The following CNTNAP5 variants were observed in gnomAD, a reference collection of about 807,000 sequenced individuals.
The protein encoded by CNTNAP5 is contactin associated protein family member 5, also known as contactin-associated protein-like 5.
A neutral mutation model predicts 150.2 loss-of-function variants in CNTNAP5; 72 were observed. That is an observed-to-expected ratio of 0.48 (90% CI 0.40 to 0.58). The LOEUF (loss-of-function observed/expected upper bound fraction) is 0.58. Among genes scored for constraint, CNTNAP5 ranks in the 20% least tolerant of loss-of-function variants. The pLI is 0.00. For missense variants in CNTNAP5, 1,636 were observed against 1,626.2 expected, an observed-to-expected ratio of 1.01 and a Z score of -0.10; for synonymous variants, 672 against 619.8, an observed-to-expected ratio of 1.08 and a Z score of -1.25.
intron 17 of CNTNAP5, among the ~76,000 whole-genome samples, chr2:124,783,244 T>C (rs1310034989): frequency 6.6e-6 from 1 of 152,188 alleles, no homozygotes; most frequent in Non-Finnish European, 1.5e-5. Flanking sequence ...GCATTTGTTC[T>C]TGAACACAAG....
chr2:124,887,322 T>A (rs550599912), intron 21 of CNTNAP5, among the ~76,000 whole-genome samples: 1 of 152,216 alleles, frequency 6.6e-6, no homozygotes, highest in Admixed American at 6.5e-5. Flanking sequence ...AATACACTTC[T>A]TCTGATTAGT....
intron 1 of CNTNAP5, among the ~76,000 whole-genome samples, chr2:124,103,806 A>G (rs1260787123): frequency 6.7e-6 from 1 of 148,630 alleles, no homozygotes; most frequent in Non-Finnish European, 1.5e-5. Flanking sequence ...TATATTATAT[A>G]TAACTTAACC....
chr2:124,085,862 C>T (rs566087776), intron 1 of CNTNAP5, among the ~76,000 whole-genome samples: 12 of 152,284 alleles, frequency 7.9e-5, no homozygotes, highest in East Asian at 3.9e-4. Flanking sequence ...AAATAATACA[C>T]GCTACTTGAT....
intron 19 of CNTNAP5, among the ~76,000 whole-genome samples, chr2:124,861,479 T>C (rs1192445132): frequency 6.6e-6 from 1 of 151,944 alleles, no homozygotes; most frequent in East Asian, 1.9e-4. Flanking sequence ...TCCCAGCTAC[T>C]TGAGAAGCTG....
chr2:124,579,139 T>C (rs1012758716), intron 11 of CNTNAP5, among the ~76,000 whole-genome samples: 1 of 152,218 alleles, frequency 6.6e-6, no homozygotes, highest in Non-Finnish European at 1.5e-5. Flanking sequence ...TCTTAACATA[T>C]GTAATGGATC....
Position 124,865,352 on chromosome 2 carries a change from A to G in CNTNAP5, c.3264A>G (p.Val1088=). ...ACCTAAACAAGGAAGAAACCCATGTATTCACCATTGATGCAGATAACTTTG... is the reference window on the plus strand; with the variant it reads ...ACCTAAACAAGGAAGAAACCCATGTGTTCACCATTGATGCAGATAACTTTG... ...RYHLNKEETH[V]FTIDADNFAN... Residue 1088 remains valine (V), a synonymous_variant, in exon 20 of 24, where the codon GTA becomes GTG. Transcript: ENST00000682447. 1 of 1,564,654 alleles carries G rather than the reference A, an allele frequency of 6.4e-7. No individual in the cohort carries two copies. Among genetic ancestry groups the G allele is most frequent in the Non-Finnish European group, 8.7e-7 (1 of 1,152,944 alleles).
intron 8 of CNTNAP5, among the ~76,000 whole-genome samples, chr2:124,509,229 A>G (rs763662361): frequency 6.6e-6 from 1 of 152,232 alleles, no homozygotes; most frequent in African/African-American, 2.4e-5. Context: ...TGCATTGAAG[A>G]TCAAGGAGAG....
At chr2:124,235,725 C>A (rs979435672) in intron 2 of CNTNAP5, among the ~76,000 whole-genome samples, 2 of 152,134 alleles carry the variant, frequency 1.3e-5, no homozygotes, top group Non-Finnish European at 2.9e-5. Flanking sequence ...TACACAGAAT[C>A]ACTCTCCCTA....
chr2:124,113,414 T>G (rs548730198), intron 1 of CNTNAP5, among the ~76,000 whole-genome samples: 45 of 152,184 alleles, frequency 3.0e-4, no homozygotes, highest in Middle Eastern at 3.4e-3. Flanking sequence ...CTATGCTGGG[T>G]AAATGAAATA....
At chr2:124,853,959 C>T (rs1677288751) in intron 19 of CNTNAP5, among the ~76,000 whole-genome samples, 2 of 152,158 alleles carry the variant, frequency 1.3e-5, no homozygotes, top group Non-Finnish European at 2.9e-5. Flanking sequence ...GCTTCCAGCT[C>T]CATCCCTGTT....
intron 1 of CNTNAP5, among the ~76,000 whole-genome samples, chr2:124,179,894 T>A (rs1476793033): frequency 2.0e-5 from 3 of 152,172 alleles, no homozygotes; most frequent in Admixed American, 6.5e-5. Flanking sequence ...TCCCCGAAGA[T>A]AGAGCTATTT....
intron 1 of CNTNAP5, among the ~76,000 whole-genome samples, chr2:124,076,832 T>C (rs1243394242): frequency 6.6e-6 from 1 of 152,054 alleles, no homozygotes; most frequent in African/African-American, 2.4e-5. Flanking sequence ...AGCTCCAGAA[T>C]GATGGTCCTG....
chr2:124,904,094 T>TTCTGACTG (rs1163075346), intron 22 of CNTNAP5, among the ~76,000 whole-genome samples: 12 of 150,202 alleles, frequency 8.0e-5, no homozygotes, highest in Non-Finnish European at 1.8e-4. Context: ...ATGTATCATC[T>TTCTGACTG]TCTGACTGAA....
chr2:124,158,478 G>C (rs185739513), intron 1 of CNTNAP5, among the ~76,000 whole-genome samples: 2 of 152,026 alleles, frequency 1.3e-5, no homozygotes, highest in Non-Finnish European at 2.9e-5. Flanking sequence ...TAAATTCAAC[G>C]TAATACTACC....
intron 13 of CNTNAP5, among the ~76,000 whole-genome samples, chr2:124,734,147 T>C (rs928188675): frequency 6.6e-6 from 1 of 151,994 alleles, no homozygotes; most frequent in Non-Finnish European, 1.5e-5. Flanking sequence ...AAAATATCTA[T>C]GACAAAGGAC....
At chr2:124,303,829 C>G (rs187397317) in intron 3 of CNTNAP5, among the ~76,000 whole-genome samples, 453 of 152,134 alleles carry the variant, frequency 3.0e-3, no homozygotes, top group Non-Finnish European at 5.1e-3. Context: ...GCCAGGAGTT[C>G]AAGACCAGCC....
At chr2:124,210,540 T>C (rs1220085664) in intron 1 of CNTNAP5, among the ~76,000 whole-genome samples, 1 of 152,168 alleles carries the variant, frequency 6.6e-6, no homozygotes, top group Non-Finnish European at 1.5e-5. Flanking sequence ...TAGTTCAGGC[T>C]ACCATTATTA....
rs868583668 is a variant in CNTNAP5 at position 124,409,995 on chromosome 2, G to A, written c.382-7448G>A. ...TGTATTCAGGGAACCCATCTCACGTGCAGAGACACACATAGGCTCAAAATA... is the reference window on the plus strand; with the variant it reads ...TGTATTCAGGGAACCCATCTCACGTACAGAGACACACATAGGCTCAAAATA... On this transcript the variant is annotated intron_variant, in intron 3 of 23. Transcript: ENST00000682447. Among the ~76,000 whole-genome samples the A allele has an allele frequency of 6.0e-3, 859 of 144,002 alleles. 5 individuals carry two copies. The highest frequency in any genetic ancestry group is 0.014 in the African/African-American group (577 of 40,536). The allele number at this position is 144,002 out of a possible 152,430, so 94.5% of individuals were successfully genotyped here.
intron 19 of CNTNAP5, among the ~76,000 whole-genome samples, chr2:124,853,056 A>G (rs1683188811): frequency 6.6e-6 from 1 of 152,224 alleles, no homozygotes; most frequent in Non-Finnish European, 1.5e-5. Context: ...TGTGGAATAG[A>G]AAAGAATCAA....
Sources: allele counts gnomAD v4.1 joint callset (sites outside exome capture counted in the v4.1 genomes callset), GRCh38; gene constraint gnomAD v4.1.1; transcripts MANE v1.5; gene names NCBI Gene and HGNC (gene_info 2026-07-23, HGNC 2026-07-21).